SFRP1: variants seen among roughly 807,000 people sequenced by gnomAD.
SFRP1 encodes the protein secreted frizzled related protein 1.
In SFRP1, 9 loss-of-function variants were observed where a neutral mutation model predicts 25.9. The observed-to-expected ratio is 0.35, with a 90% CI of 0.21 to 0.61. The LOEUF (loss-of-function observed/expected upper bound fraction) is 0.61, where lower values mean the gene tolerates loss of function less well. Ranked by LOEUF, SFRP1 falls within the 20% of genes least tolerant of loss-of-function variation. SFRP1 has a pLI of 0.78. For synonymous variants in SFRP1, 178 were observed against 174.0 expected (o/e 1.02, Z -0.18); for missense variants, 346 against 418.2 (o/e 0.83, Z 1.51).
rs1265861394 is a variant in SFRP1 at position 41,263,411 on chromosome 8, A to G, written c.*1756T>C. 6.6e-6 allele frequency: 1 copy of G among 152,268 alleles called. No individual in the cohort carries two copies. Among genetic ancestry groups the G allele is most frequent in the Non-Finnish European group, 1.5e-5 (1 of 68,054 alleles). 9.4% of individuals were successfully genotyped at this position (152,268 alleles called of 1,614,324 possible). A position where few individuals can be genotyped will look rare whatever the true frequency, so the allele number is the denominator to read the frequency against. Reference sequence around the variant, plus strand: ...AACTGTGAGAGGTTAATTTATCAGGATAACTCTCCGGTAGGTAACTAGGCG... The same window carrying G: ...AACTGTGAGAGGTTAATTTATCAGGGTAACTCTCCGGTAGGTAACTAGGCG... On this transcript the variant is annotated 3_prime_UTR_variant, in exon 3 of 3. Transcript: ENST00000220772.
intron 2 of SFRP1, among the ~76,000 whole-genome samples, chr8:41,285,060 T>C (rs1482193158): frequency 6.6e-6 from 1 of 152,148 alleles, no homozygotes; most frequent in Non-Finnish European, 1.5e-5. Flanking sequence ...CACAATGGAG[T>C]TCCGGGTGAG....
Position 41,265,119 on chromosome 8 carries a change from CGCTCCCACCCCACCCGAGGCT to C in SFRP1, c.*27_*47del. On this transcript the variant is annotated 3_prime_UTR_variant, in exon 3 of 3. Coordinates refer to ENST00000220772, the MANE Select transcript of SFRP1 (RefSeq NM_003012.5). ...CGGGTTCCCGGGGCACTGTCCCCCC[CGCTCCCACCCCACCCGAGGCT>C]CCCTCCCCACCCTGCCCCCGGGAGA... The C allele has an allele frequency of 6.9e-5, 32 of 464,748 alleles. No homozygotes were observed. Among genetic ancestry groups the C allele is most frequent in the Admixed American group, 1.5e-4 (5 of 33,150 alleles). The allele number at this position is 464,748 out of a possible 1,614,324, so 28.8% of individuals were successfully genotyped here. A position where few individuals can be genotyped will look rare whatever the true frequency, so the allele number is the denominator to read the frequency against.
At chr8:41,268,054 AT>A (rs1803458025) in intron 2 of SFRP1, among the ~76,000 whole-genome samples, 1 of 152,218 alleles carries the variant, frequency 6.6e-6, no homozygotes, top group South Asian at 2.1e-4. Flanking sequence ...TATTTTATTT[AT>A]TAGAGATGGG....
intron 2 of SFRP1, among the ~76,000 whole-genome samples, chr8:41,266,021 C>A (rs2117476308): frequency 6.6e-6 from 1 of 152,208 alleles, no homozygotes; most frequent in Middle Eastern, 3.4e-3. Context: ...CAAAAATTAG[C>A]CACACATGGT....
chr8:41,282,442 G>T (rs2117494877), intron 2 of SFRP1, among the ~76,000 whole-genome samples: 1 of 152,202 alleles, frequency 6.6e-6, no homozygotes, highest in Non-Finnish European at 1.5e-5. Flanking sequence ...GAGCCCAGGA[G>T]GTCAAAGCTA....
intron 2 of SFRP1, among the ~76,000 whole-genome samples, chr8:41,292,185 C>T (rs528425219): frequency 6.6e-6 from 1 of 152,304 alleles, no homozygotes; most frequent in African/African-American, 2.4e-5. Context: ...CAGGGCTTAA[C>T]TCGGGTTCAG....
At position 41,307,903 on chromosome 8, in the gene SFRP1, G is replaced by C. The variant is rs116031109; in HGVS notation, c.544+713C>G. Among the ~76,000 whole-genome samples, 1,141 of 152,288 alleles carry C rather than the reference G, an allele frequency of 7.5e-3. 12 individuals carry two copies. The highest frequency in any genetic ancestry group is 0.025 in the African/African-American group (1,057 of 41,548). On this transcript the variant is annotated intron_variant, in intron 1 of 2. Coordinates refer to ENST00000220772, the MANE Select transcript of SFRP1 (RefSeq NM_003012.5). The stretch of plus-strand genomic sequence containing the variant: ...TATCTTTCTAATGAGCTGAGGATTT[G>C]TGTAAATGAGAAAAGCAGGGGGTAC...
chr8:41,271,156 C>T (rs1248170434), intron 2 of SFRP1: 3 of 154,108 alleles, frequency 1.9e-5, no homozygotes, highest in Non-Finnish European at 4.4e-5. Context: ...AAAGAAAAGA[C>T]ATATGGGCCC....
intron 2 of SFRP1, among the ~76,000 whole-genome samples, chr8:41,278,940 G>C (rs1324164509): frequency 6.6e-6 from 1 of 152,018 alleles, no homozygotes; most frequent in African/African-American, 2.4e-5. Context: ...CTGAAGGAAG[G>C]GGGTGCAGGT....
intron 2 of SFRP1, among the ~76,000 whole-genome samples, chr8:41,265,875 A>G (rs1215835396): frequency 6.6e-6 from 1 of 152,202 alleles, no homozygotes; most frequent in Non-Finnish European, 1.5e-5. Context: ...AAGTCAAGAA[A>G]CAGGCAGTTT....
Position 41,265,301 on chromosome 8 carries a change from T to C in SFRP1, c.811A>G (p.Met271Val). ...LDNLSHHFLI[M>V]GRKVKSQYLL... is the part of the protein sequence containing the mutation. Reference sequence around the variant, plus strand: ...TACTGGCTCTTCACCTTGCGGCCCATGATGAGGAAGTGGTGGCTGAGGTTG... The same window carrying C: ...TACTGGCTCTTCACCTTGCGGCCCACGATGAGGAAGTGGTGGCTGAGGTTG... Residue 271 changes from methionine (M) to valine (V), a missense_variant, in exon 3 of 3, where the codon ATG (methionine) becomes GTG (valine). Met to Val is a conservative substitution (Grantham distance 21, BLOSUM62 1). Transcript: ENST00000220772. The C allele has an allele frequency of 1.2e-6, 2 of 1,614,156 alleles. No individual in the cohort carries two copies. Among genetic ancestry groups the C allele is most frequent in the Non-Finnish European group, 1.7e-6 (2 of 1,180,026 alleles).
At chr8:41,282,270 C>T (rs1803642713) in intron 2 of SFRP1, among the ~76,000 whole-genome samples, 1 of 152,238 alleles carries the variant, frequency 6.6e-6, no homozygotes, top group South Asian at 2.1e-4. Context: ...AATCCCAACA[C>T]TCTGGGAGGC....
chr8:41,291,468 T>C (rs965702261), intron 2 of SFRP1, among the ~76,000 whole-genome samples: 1 of 152,216 alleles, frequency 6.6e-6, no homozygotes, highest in Non-Finnish European at 1.5e-5. Flanking sequence ...ATTATCTTCC[T>C]AGGCCCACCT....
intron 2 of SFRP1, chr8:41,275,304 T>C (rs2117487159): frequency 2.8e-6 from 1 of 354,136 alleles, no homozygotes; most frequent in East Asian, 1.2e-4. Context: ...GGCAAGCAGT[T>C]GGATCCATTT....
intron 2 of SFRP1, among the ~76,000 whole-genome samples, chr8:41,302,574 A>G (rs1261190749): frequency 6.6e-6 from 1 of 152,210 alleles, no homozygotes; most frequent in East Asian, 1.9e-4. Flanking sequence ...CATCACACTG[A>G]GTCTTCTGAA....
At chr8:41,284,446 G>A (rs1490560585) in intron 2 of SFRP1, among the ~76,000 whole-genome samples, 1 of 150,378 alleles carries the variant, frequency 6.6e-6, no homozygotes, top group Non-Finnish European at 1.5e-5. Flanking sequence ...CCCCACTCAT[G>A]CACTGGGCAC....
intron 2 of SFRP1, among the ~76,000 whole-genome samples, chr8:41,303,254 G>T (rs1487434419): frequency 6.6e-6 from 1 of 151,908 alleles, no homozygotes; most frequent in Non-Finnish European, 1.5e-5. Flanking sequence ...CCCCACAAAG[G>T]AGGGCAAAGT....
intron 2 of SFRP1, among the ~76,000 whole-genome samples, chr8:41,294,328 G>A (rs745885916): frequency 6.6e-5 from 10 of 152,098 alleles, no homozygotes; most frequent in South Asian, 2.1e-4. Context: ...CATCCATTGC[G>A]GAAGACACCG....
chr8:41,278,044 T>C (rs927415034), intron 2 of SFRP1, among the ~76,000 whole-genome samples: 1 of 152,208 alleles, frequency 6.6e-6, no homozygotes, highest in East Asian at 1.9e-4. Flanking sequence ...CCTTGGTTAT[T>C]CACAGTGGTA....
Sources: gnomAD v4.1 joint callset for allele counts (sites outside exome capture counted in the v4.1 genomes callset) on GRCh38, gnomAD v4.1.1 for gene constraint, MANE v1.5 for transcripts, NCBI Gene and HGNC (gene_info 2026-07-23, HGNC 2026-07-21) for gene names.